SPATA9: variants seen among roughly 807,000 people sequenced by gnomAD.
The protein encoded by SPATA9 is spermatogenesis associated 9.
In SPATA9, 27 loss-of-function variants were observed where a neutral mutation model predicts 25.5. The ratio of observed to expected loss-of-function variants is 1.06; its 90% CI spans 0.78 to 1.46. The LOEUF is 1.46. Ranked by LOEUF, SPATA9 falls within the 40% of genes most tolerant of loss-of-function variation. SPATA9 has a pLI of 0.00. For synonymous variants in SPATA9, 102 were observed against 105.7 expected, an observed-to-expected ratio of 0.97 and a Z score of 0.21; for missense variants, 282 against 297.5, an observed-to-expected ratio of 0.95 and a Z score of 0.38.
the SPATA9 span, among the ~76,000 whole-genome samples, chr5:95,716,535 C>G: frequency 2.8e-4 from 42 of 152,328 alleles, no homozygotes; most frequent in African/African-American, 1.0e-3. Context: ...AAGTAACTAA[C>G]TTGCTTTTGA....
chr5:95,707,238 C>A, the SPATA9 span, among the ~76,000 whole-genome samples: 1 of 151,924 alleles, frequency 6.6e-6, no homozygotes, highest in Non-Finnish European at 1.5e-5. Context: ...ACAAGGAAAT[C>A]TTGGAGGAAG....
rs538571972 is a variant in SPATA9 at position 95,691,085 on chromosome 5, G to A, written n.124+7503C>T. Among the ~76,000 whole-genome samples, 3 of 151,988 alleles carry A rather than the reference G, an allele frequency of 2.0e-5. No homozygotes were observed. The South Asian group carries it at 6.2e-4, about 32-fold the overall frequency. Reference sequence around the variant, plus strand: ...CAAAAAATTAGCTGGGCCTGGTGGCGGGCGCCTGTAGTACCAGCTACTTGG... The same window carrying A: ...CAAAAAATTAGCTGGGCCTGGTGGCAGGCGCCTGTAGTACCAGCTACTTGG... On this transcript the variant is annotated intron_variant and non_coding_transcript_variant, in intron 1 of 2. Transcript: ENST00000379990.
At chr5:95,700,212 G>T (rs570420347), upstream of SPATA9, among the ~76,000 whole-genome samples, 1 of 152,166 alleles carries the variant, frequency 6.6e-6, no homozygotes, top group East Asian at 1.9e-4. Context: ...TTTCATAGTA[G>T]CTATCTATAT....
the SPATA9 span, chr5:95,731,207 A>G: frequency 1.0e-6 from 1 of 1,001,030 alleles, no homozygotes; most frequent in South Asian, 4.2e-5. Flanking sequence ...CTCCGCGGGG[A>G]GCGCGTCCCC....
intron 3 of SPATA9, among the ~76,000 whole-genome samples, chr5:95,672,224 T>C (rs1752452244): frequency 6.6e-6 from 1 of 152,080 alleles, no homozygotes; most frequent in Non-Finnish European, 1.5e-5. Flanking sequence ...ACTCAAACAA[T>C]TGCATCCACC....
chr5:95,710,042 C>T, the SPATA9 span, among the ~76,000 whole-genome samples: 3 of 152,280 alleles, frequency 2.0e-5, no homozygotes. Flanking sequence ...TATCCTTACC[C>T]CATCGGAGAG....
At chr5:95,657,235 A>T (rs533375639), downstream of SPATA9, 1 of 152,232 alleles carries the variant, frequency 6.6e-6, no homozygotes, top group South Asian at 2.1e-4. Flanking sequence ...TTCCCGAGCA[A>T]GGTTGATGTT....
At chr5:95,685,491 C>T (rs1753718047), upstream of SPATA9, among the ~76,000 whole-genome samples, 1 of 152,324 alleles carries the variant, frequency 6.6e-6, no homozygotes, top group Admixed American at 6.5e-5. Context: ...AAGTAACCTC[C>T]TTTGGATGTC....
chr5:95,684,995 A>G (rs943071000), upstream of SPATA9, among the ~76,000 whole-genome samples: 9 of 152,264 alleles, frequency 5.9e-5, no homozygotes, highest in African/African-American at 2.2e-4. Flanking sequence ...AACATTTTAC[A>G]TAATCACATA....
At chr5:95,696,624 C>G (rs1754029599) in intron 1 of SPATA9, among the ~76,000 whole-genome samples, 1 of 152,158 alleles carries the variant, frequency 6.6e-6, no homozygotes, top group Admixed American at 6.5e-5. Flanking sequence ...TGCCTCTAAT[C>G]CCAGCACTTT....
In SPATA9 at chr5:95,653,184, C is replaced by T. The variant is rs141035673; in HGVS notation, c.*473G>A. 1,504 of 1,551,746 alleles carry T rather than the reference C, an allele frequency of 9.7e-4. 18 individuals carry two copies. In the African/African-American group the frequency reaches 0.018, roughly 18 times the overall value. ...TTGCATTTTGGGCATTTCAGCTCAG[C>T]TGTCATCTCAGTGACCAGTTTTTAT... On this transcript the variant is annotated 3_prime_UTR_variant and NMD_transcript_variant, in exon 9 of 9. Transcript: ENST00000316087.
the SPATA9 span, chr5:95,732,081 C>G: frequency 2.5e-5 from 40 of 1,613,852 alleles, no homozygotes; most frequent in Middle Eastern, 8.2e-4. Context: ...ACTGTCCCGT[C>G]TGGGTAAGGA....
chr5:95,718,353 G>A, the SPATA9 span, among the ~76,000 whole-genome samples: 2 of 152,204 alleles, frequency 1.3e-5, no homozygotes, highest in African/African-American at 4.8e-5. Flanking sequence ...CACTATCAGA[G>A]GGATCAGCCT....
chr5:95,730,002 C>T, the SPATA9 span, among the ~76,000 whole-genome samples: 43 of 151,914 alleles, frequency 2.8e-4, no homozygotes, highest in Non-Finnish European at 5.3e-4. Flanking sequence ...AAAAAGTGAT[C>T]TTGCATGCTG....
chr5:95,713,921 T>C, the SPATA9 span, among the ~76,000 whole-genome samples: 1 of 152,152 alleles, frequency 6.6e-6, no homozygotes, highest in Non-Finnish European at 1.5e-5. Context: ...TGTGCATATA[T>C]ATATATAATT....
intron 3 of SPATA9, among the ~76,000 whole-genome samples, chr5:95,664,497 C>T (rs546563836): frequency 2.0e-5 from 3 of 152,224 alleles, no homozygotes; most frequent in Admixed American, 6.5e-5. Flanking sequence ...CTGCTGAAGG[C>T]GAGCATTAAC....
intron 3 of SPATA9, among the ~76,000 whole-genome samples, chr5:95,666,573 A>G (rs542769295): frequency 1.6e-4 from 25 of 152,350 alleles, no homozygotes; most frequent in Admixed American, 3.3e-4. Context: ...AATATTAATA[A>G]TAGTAATAAT....
chr5:95,711,046 A>G, the SPATA9 span, among the ~76,000 whole-genome samples: 1 of 152,094 alleles, frequency 6.6e-6, no homozygotes, highest in African/African-American at 2.4e-5. Flanking sequence ...AGGTGCTCTA[A>G]AAACGCTCCT....
At chr5:95,657,974 A>G (rs1580274694), downstream of SPATA9, 1 of 152,126 alleles carries the variant, frequency 6.6e-6, no homozygotes, top group Admixed American at 6.5e-5. Flanking sequence ...TTACAGAAAT[A>G]TTTTCTCATA....
Sources: allele counts gnomAD v4.1 joint callset (sites outside exome capture counted in the v4.1 genomes callset), GRCh38; gene constraint gnomAD v4.1.1; transcripts MANE v1.5; gene names NCBI Gene and HGNC (gene_info 2026-07-23, HGNC 2026-07-21).